The following MYBPC2 variants were observed in gnomAD, a reference collection of about 807,000 sequenced individuals.
MYBPC2 encodes the protein myosin-binding protein C, fast-type.
In MYBPC2, 122 loss-of-function variants were observed where a neutral mutation model predicts 137.0. The observed-to-expected ratio is 0.89, with a 90% confidence interval of 0.77 to 1.03. The LOEUF (loss-of-function observed/expected upper bound fraction) is 1.03. Ranked by LOEUF, MYBPC2 falls within the 50% of genes least tolerant of loss-of-function variation. The probability of loss-of-function intolerance (pLI) is 0.00; values close to 1 mark genes in which losing one functional copy is unlikely to be tolerated. For synonymous variants in MYBPC2, 626 were observed against 612.3 expected (o/e 1.02, Z -0.33); for missense variants, 1,500 against 1,534.4 (o/e 0.98, Z 0.37).
chr19:50,435,397 C>G lies in MYBPC2; in HGVS notation c.109+147C>G, dbSNP rs2039693500. ...TGACCCACGCCTCCCGTGCTCCCAG[C>G]CCTCCCGGGGCTCCCTGGCACCCGC... is the stretch of plus-strand genomic sequence containing the variant. On this transcript the variant is annotated intron_variant, in intron 2 of 27. Transcript: ENST00000357701. The surrounding 1 kb of genome is among the most constrained non-coding windows in gnomAD (Gnocchi z 4.8). The G allele has an allele frequency of 3.1e-6, 2 of 644,700 alleles. No individual in the cohort carries two copies. The highest frequency in any genetic ancestry group is 1.9e-5 in the African/African-American group (1 of 53,578). The allele number at this position is 644,700 out of a possible 1,614,324, so 39.9% of individuals were successfully genotyped here. A position where few individuals can be genotyped will look rare whatever the true frequency, so the allele number is the denominator to read the frequency against.
At chr19:50,433,007 G>C in intron 1 of MYBPC2, 35 bp downstream of exon 1, 1 of 1,565,174 alleles carries the variant, frequency 6.4e-7, no homozygotes, top group Non-Finnish European at 8.6e-7. Context: ...GTGGGGATGG[G>C]GCTCTTCTTT....
rs1568661884 is a variant in MYBPC2 at position 50,446,067 on chromosome 19, G to C, written c.1306+15G>C. On this transcript the variant is annotated intron_variant, in intron 12 of 27. Transcript: ENST00000357701. ...GATTGTGGAAGGTATGGGGCCTCCA[G>C]GTAGGGCACGGGCTGCACTGCGCAT... 3.7e-6 allele frequency: 6 copies of C among 1,609,832 alleles called. No homozygotes were observed. The highest frequency in any genetic ancestry group is 2.5e-6 in the Non-Finnish European group (3 of 1,178,206).
At chr19:50,438,604 G>A (rs978773220) in intron 7 of MYBPC2, among the ~76,000 whole-genome samples, 15 of 152,106 alleles carry the variant, frequency 9.9e-5, no homozygotes, top group Non-Finnish European at 1.9e-4. Flanking sequence ...AGTGGTTCAC[G>A]CCTATAATCC....
At chr19:50,459,030 C>G in intron 22 of MYBPC2, 24 bp downstream of exon 22, 1 of 1,592,138 alleles carries the variant, frequency 6.3e-7, no homozygotes, top group Non-Finnish European at 8.5e-7. Context: ...GGTCACGGGC[C>G]GGGGGTCCGC....
In MYBPC2 at chr19:50,445,964, C is replaced by T. The variant is rs1217801162; in HGVS notation, c.1218C>T (p.Leu406=). 1.9e-6 allele frequency: 3 copies of T among 1,612,914 alleles called. No homozygotes were observed. Among genetic ancestry groups the T allele is most frequent in the Non-Finnish European group, 2.5e-6 (3 of 1,179,576 alleles). Residue 406 remains leucine (L), a synonymous_variant, in exon 12 of 28, where the codon CTC becomes CTT. Transcript: ENST00000357701. ...AGAAGGACGGGAAGCGCCACATCCT[C>T]ATCTTCTCAGACGTGGTCCAGGAGG... The part of the protein sequence containing the change: ...RFKKDGKRHI[L]IFSDVVQEDR...
intron 19 of MYBPC2, 25 bp downstream of exon 19, chr19:50,455,321 C>T: frequency 6.2e-7 from 1 of 1,606,546 alleles, no homozygotes; most frequent in Non-Finnish European, 8.5e-7. Context: ...CACTTTTATG[C>T]CTATTGGTAA....
chr19:50,442,416 C>A, intron 9 of MYBPC2, 103 bp downstream of exon 9: 1 of 1,472,716 alleles, frequency 6.8e-7, no homozygotes, highest in Non-Finnish European at 9.1e-7. Flanking sequence ...CATATTCACC[C>A]CTATATGAAG....
intron 1 of MYBPC2, among the ~76,000 whole-genome samples, chr19:50,434,340 G>A (rs1000860743): frequency 1.4e-4 from 22 of 152,192 alleles, no homozygotes; most frequent in African/African-American, 5.3e-4. Flanking sequence ...CTGGGAGACG[G>A]AGCGAGACCC....
At position 50,458,919 on chromosome 19, in the gene MYBPC2, G is replaced by A. The variant is rs764018643; in HGVS notation, c.2508G>A (p.Glu836=). The change falls in exon 22 of 28, where the codon GAG becomes GAA. Residue 836 remains glutamate (E), a splice_region_variant and synonymous_variant. Coordinates refer to ENST00000357701, the MANE Select transcript of MYBPC2 (RefSeq NM_004533.4). ...AQPVTIREIA[E]PPKIRLPRHL... ...CCCTCCCTGTGTTTGCGCCCTCAGA[G>A]CCACCCAAGATCCGGCTTCCCCGCC... The A allele has an allele frequency of 1.2e-6, 2 of 1,610,886 alleles. No homozygotes were observed. The highest frequency in any genetic ancestry group is 1.7e-5 in the Admixed American group (1 of 59,820).
At position 50,456,369 on chromosome 19, in the gene MYBPC2, C is replaced by T. The variant is rs370776677; in HGVS notation, c.2338+725C>T. ...CCATCTGTCCATCCATCCATCTGTC[C>T]ATCCATCTATCCATCCATCCATCCA... On this transcript the variant is annotated intron_variant, in intron 20 of 27. Transcript: ENST00000357701. Among the ~76,000 whole-genome samples the T allele has an allele frequency of 3.8e-3, 379 of 100,824 alleles. 5 individuals are homozygous for T. The highest frequency in any genetic ancestry group is 0.018 in the African/African-American group (345 of 19,316). The allele number at this position is 100,824 out of a possible 152,430, so 66.1% of individuals were successfully genotyped here.
intron 19 of MYBPC2, 61 bp downstream of exon 19, chr19:50,455,357 C>G: frequency 6.3e-7 from 1 of 1,574,828 alleles, no homozygotes; most frequent in Non-Finnish European, 8.7e-7. Context: ...ATCCATCAAC[C>G]CCGTCCACCT....
intron 16 of MYBPC2, among the ~76,000 whole-genome samples, chr19:50,453,208 C>T (rs2039876829): frequency 6.6e-6 from 1 of 152,212 alleles, no homozygotes; most frequent in African/African-American, 2.4e-5. Context: ...CCTGCATCAG[C>T]CTCCCAAAGT....
chr19:50,436,548 G>C (rs2039705252), intron 4 of MYBPC2, 69 bp from the exon 5 acceptor site: 1 of 1,351,486 alleles, frequency 7.4e-7, no homozygotes, highest in Admixed American at 1.7e-5. Context: ...GCTATGAGTG[G>C]ACTCTGAGGA....
At chr19:50,444,846 C>T (rs1404154302) in intron 11 of MYBPC2, among the ~76,000 whole-genome samples, 2 of 134,790 alleles carry the variant, frequency 1.5e-5, no homozygotes, top group South Asian at 4.9e-4. Context: ...CGCCACTGCA[C>T]TCCAACCTGG....
At chr19:50,440,787 G>T in intron 7 of MYBPC2, 93 bp from the exon 8 acceptor site, 1 of 1,304,296 alleles carries the variant, frequency 7.7e-7, no homozygotes. Flanking sequence ...AAGGTGGCTT[G>T]GGTGAGTCAC....
At chr19:50,458,205 G>T (rs1481878733) in intron 20 of MYBPC2, among the ~76,000 whole-genome samples, 1 of 151,164 alleles carries the variant, frequency 6.6e-6, no homozygotes, top group Non-Finnish European at 1.5e-5. Context: ...AGCTACTCAG[G>T]AGGCTGAGGC....
At position 50,461,704 on chromosome 19, in the gene MYBPC2, A is replaced by T; in HGVS notation, c.3091+3A>T. 2 of 1,612,432 alleles carry T rather than the reference A, an allele frequency of 1.2e-6. No homozygotes were observed. Among genetic ancestry groups the T allele is most frequent in the Non-Finnish European group, 1.7e-6 (2 of 1,179,674 alleles). ...CACGGCCCGCATCCTCAAGACAGGT[A>T]CAGCCATCCTGCCCCACAGCCCAGG... On this transcript the variant is annotated splice_donor_region_variant and intron_variant, in intron 25 of 27. Coordinates refer to ENST00000357701, the MANE Select transcript of MYBPC2 (RefSeq NM_004533.4).
chr19:50,453,454 T>A (rs2039878987), intron 16 of MYBPC2, among the ~76,000 whole-genome samples: 1 of 152,210 alleles, frequency 6.6e-6, no homozygotes, highest in African/African-American at 2.4e-5. Flanking sequence ...AAGAGCTTAG[T>A]GTTGCATGCA....
In MYBPC2 at chr19:50,454,245, G is replaced by T; in HGVS notation, c.1910-20G>T. ...TCCCTGAGGCCTCGAGGGGCCACCT[G>T]ACTCTCCTGCCCCCTGCAGATGTCC... is the stretch of plus-strand genomic sequence containing the variant. On this transcript the variant is annotated intron_variant, in intron 17 of 27. Transcript: ENST00000357701. 6.2e-7 allele frequency: 1 copy of T among 1,613,844 alleles called. No individual in the cohort carries two copies. Among genetic ancestry groups the T allele is most frequent in the South Asian group, 1.1e-5 (1 of 91,076 alleles).
Sources: gnomAD v4.1 joint callset for allele counts (sites outside exome capture counted in the v4.1 genomes callset) on GRCh38, gnomAD v4.1.1 for gene constraint, Gnocchi (gnomAD v3.1) non-coding constraint, MANE v1.5 for transcripts, NCBI Gene and HGNC (gene_info 2026-07-23, HGNC 2026-07-21) for gene names.